The following FGGY variants were observed in gnomAD, a reference collection of about 807,000 sequenced individuals.
The protein encoded by FGGY is FGGY carbohydrate kinase domain containing.
In FGGY, 72 loss-of-function variants were observed where a neutral mutation model predicts 71.3. That is an observed-to-expected ratio of 1.01 (90% CI 0.84 to 1.23). FGGY has a LOEUF of 1.23. Among genes scored for constraint, FGGY ranks in the 50% most tolerant of loss-of-function variants. The pLI, the probability that FGGY is intolerant of heterozygous loss-of-function variation, is 0.00. For missense variants in FGGY, 668 were observed against 682.3 expected, an observed-to-expected ratio of 0.98 and a Z score of 0.23; for synonymous variants, 251 against 250.3, an observed-to-expected ratio of 1.00 and a Z score of -0.02.
chr1:59,356,456 T>C, intron 4 of FGGY, among the ~76,000 whole-genome samples: 1 of 152,182 alleles, frequency 6.6e-6, no homozygotes, highest in Non-Finnish European at 1.5e-5. Flanking sequence ...AAGCCTTCCT[T>C]GACTTAGGGT....
chr1:59,665,330 A>C (rs1319482951), intron 12 of FGGY, among the ~76,000 whole-genome samples: 1 of 152,222 alleles, frequency 6.6e-6, no homozygotes, highest in Non-Finnish European at 1.5e-5. Flanking sequence ...TTTTTTAAAC[A>C]CACTACATCT....
At chr1:59,484,428 T>G (rs986035941) in intron 6 of FGGY, among the ~76,000 whole-genome samples, 1 of 152,192 alleles carries the variant, frequency 6.6e-6, no homozygotes, top group African/African-American at 2.4e-5. Context: ...AAGGAATACC[T>G]TCTTGTGGAC....
At chr1:59,498,716 C>T (rs1224675262) in intron 6 of FGGY, among the ~76,000 whole-genome samples, 3 of 152,144 alleles carry the variant, frequency 2.0e-5, no homozygotes, top group South Asian at 2.1e-4. Flanking sequence ...GTATGATCCC[C>T]CTCCCCCACC....
intron 14 of FGGY, among the ~76,000 whole-genome samples, chr1:59,713,418 A>G (rs1043821251): frequency 2.0e-5 from 3 of 152,024 alleles, no homozygotes; most frequent in Non-Finnish European, 4.4e-5. Flanking sequence ...CACCAATTTA[A>G]TGGGTGACAC....
intron 14 of FGGY, among the ~76,000 whole-genome samples, chr1:59,742,602 C>A (rs940302891): frequency 6.6e-6 from 1 of 152,248 alleles, no homozygotes; most frequent in Non-Finnish European, 1.5e-5. Context: ...AACATCTTCA[C>A]TTAAAGGGCT....
chr1:59,313,953 G>A (rs934887853), intron 1 of FGGY, among the ~76,000 whole-genome samples: 1 of 151,864 alleles, frequency 6.6e-6, no homozygotes, highest in African/African-American at 2.4e-5. Context: ...AAAAACCTAC[G>A]GAAATTTTTT....
chr1:59,744,906 A>G (rs1025625537), intron 14 of FGGY, among the ~76,000 whole-genome samples: 2 of 152,224 alleles, frequency 1.3e-5, no homozygotes, highest in African/African-American at 2.4e-5. Flanking sequence ...GATAAGACAG[A>G]GGAAAATCAG....
chr1:59,646,726 C>T (rs2097098278), intron 11 of FGGY, among the ~76,000 whole-genome samples: 1 of 151,876 alleles, frequency 6.6e-6, no homozygotes, highest in Non-Finnish European at 1.5e-5. Flanking sequence ...TGTTGTTGTC[C>T]CATTTAAAAG....
intron 8 of FGGY, among the ~76,000 whole-genome samples, chr1:59,586,611 A>C (rs1291522025): frequency 6.6e-6 from 1 of 152,182 alleles, no homozygotes; most frequent in Non-Finnish European, 1.5e-5. Flanking sequence ...TACATATGTA[A>C]CAAACCTGCA....
chr1:59,445,215 AGG>A (rs2070952410), intron 5 of FGGY, among the ~76,000 whole-genome samples: 1 of 152,134 alleles, frequency 6.6e-6, no homozygotes, highest in South Asian at 2.1e-4. Flanking sequence ...TCAGCTTCTG[AGG>A]TATGCACAGC....
chr1:59,656,944 C>T (rs189347079), intron 11 of FGGY, among the ~76,000 whole-genome samples: 126 of 152,264 alleles, frequency 8.3e-4, no homozygotes, highest in Non-Finnish European at 1.4e-3. Context: ...ATTATCCTCC[C>T]GTTTCTGCTC....
chr1:59,479,701 A>G (rs1021616867), intron 6 of FGGY, among the ~76,000 whole-genome samples: 1 of 152,170 alleles, frequency 6.6e-6, no homozygotes, highest in African/African-American at 2.4e-5. Context: ...GAAAAGGTTT[A>G]AAATAGAAGT....
intron 6 of FGGY, among the ~76,000 whole-genome samples, chr1:59,507,684 A>ATTTTTTTTTTT (rs561953004): frequency 1.4e-3 from 152 of 106,884 alleles, no homozygotes; most frequent in African/African-American, 2.2e-3. Context: ...TGCTTGGCTA[A>ATTTTTTTTTTT]TTTTTTTTTT....
intron 8 of FGGY, among the ~76,000 whole-genome samples, chr1:59,588,754 C>A (rs1488249181): frequency 6.6e-6 from 1 of 152,260 alleles, no homozygotes; most frequent in East Asian, 1.9e-4. Flanking sequence ...GATTTTGTCA[C>A]CACCAGGCCT....
At chr1:59,685,215 C>T (rs1231673219) in intron 14 of FGGY, among the ~76,000 whole-genome samples, 1 of 152,074 alleles carries the variant, frequency 6.6e-6, no homozygotes, top group Non-Finnish European at 1.5e-5. Context: ...CTCTCTCTCA[C>T]TACTGAGGAA....
rs145939309 is a variant in FGGY, at chr1:59,720,025, A to T, written c.1513-37906A>T. Among the ~76,000 whole-genome samples, 16 of 152,318 alleles carry T rather than the reference A, an allele frequency of 1.1e-4. No individual in the cohort carries two copies. The East Asian group carries it at 2.9e-3, about 28-fold the overall frequency. On this transcript the variant is annotated intron_variant, in intron 14 of 15. Transcript: ENST00000303721. ...GTCAAGGTCAGAGCAAAGTGGTGTG[A>T]TTTCCTCCTCATTGGTAAAAATCTC...
intron 5 of FGGY, among the ~76,000 whole-genome samples, chr1:59,420,425 A>T (rs2065210701): frequency 6.6e-6 from 1 of 152,210 alleles, no homozygotes; most frequent in Non-Finnish European, 1.5e-5. Flanking sequence ...TGTTGTGAAA[A>T]CAGGGCTCTA....
chr1:59,458,643 T>C (rs1429385148), intron 6 of FGGY, among the ~76,000 whole-genome samples: 1 of 152,230 alleles, frequency 6.6e-6, no homozygotes, highest in Non-Finnish European at 1.5e-5. Context: ...AGCAGAAAAT[T>C]TCCAGAGTAA....
intron 1 of FGGY, among the ~76,000 whole-genome samples, chr1:59,299,354 G>A (rs2042415173): frequency 1.3e-5 from 2 of 152,154 alleles, no homozygotes; most frequent in Admixed American, 1.3e-4. Flanking sequence ...ATCATCTTAG[G>A]GGAGTTTGAA....
Sources: gnomAD v4.1 joint callset for allele counts (sites outside exome capture counted in the v4.1 genomes callset) on GRCh38, gnomAD v4.1.1 for gene constraint, MANE v1.5 for transcripts, NCBI Gene and HGNC (gene_info 2026-07-23, HGNC 2026-07-21) for gene names.